The following JAKMIP3 variants were observed in gnomAD, a reference collection of about 807,000 sequenced individuals.
JAKMIP3 encodes janus kinase and microtubule-interacting protein 3.
Under a neutral mutation model 118.5 loss-of-function variants are expected in JAKMIP3, and 58 were observed. The observed-to-expected ratio is 0.49, with a 90% CI of 0.40 to 0.61. JAKMIP3 has a LOEUF of 0.61. Among genes scored for constraint, JAKMIP3 ranks in the 20% least tolerant of loss-of-function variants. The pLI, the probability that JAKMIP3 is intolerant of heterozygous loss-of-function variation, is 0.00. For missense variants in JAKMIP3, 950 were observed against 1,109.0 expected (o/e 0.86, Z 2.04); for synonymous variants, 486 against 451.2 (o/e 1.08, Z -0.98).
At chr10:132,161,885 G>T (rs1409400017) in intron 19 of JAKMIP3, among the ~76,000 whole-genome samples, 1 of 119,246 alleles carries the variant, frequency 8.4e-6, no homozygotes, top group Non-Finnish European at 2.1e-5. Context: ...CTTCCTGTGT[G>T]ATATTGGGGG....
At chr10:132,125,408 C>T (rs772541629) in intron 3 of JAKMIP3, among the ~76,000 whole-genome samples, 5 of 152,282 alleles carry the variant, frequency 3.3e-5, no homozygotes, top group East Asian at 3.8e-4. Context: ...TTCCAGGCCC[C>T]GTTACGTTCT....
Position 132,118,521 on chromosome 10 carries a change from T to A in JAKMIP3, c.633+947T>A, listed in dbSNP as rs1009304762. 6.6e-6 allele frequency among the ~76,000 whole-genome samples: 1 copy of A among 152,122 alleles called. No homozygotes were observed. Among genetic ancestry groups the A allele is most frequent in the Non-Finnish European group, 1.5e-5 (1 of 68,016 alleles). On this transcript the variant is annotated intron_variant, in intron 3 of 23. Transcript: ENST00000684848. The surrounding 1 kb of genome is among the most constrained non-coding windows in gnomAD (Gnocchi z 4.8). The stretch of plus-strand genomic sequence containing the variant: ...CTGGGGCAGCCTCCCTCTGCCTGCT[T>A]CCCGGGGCCTCCGGTCTCCAGGGAT...
chr10:132,053,058 T>C (rs986003069), intron 1 of JAKMIP3, among the ~76,000 whole-genome samples: 1 of 152,200 alleles, frequency 6.6e-6, no homozygotes, highest in Admixed American at 6.5e-5. Flanking sequence ...TATTAGGACA[T>C]GTTTGTGGGG....
chr10:132,122,181 C>A (rs1001822128), intron 3 of JAKMIP3, among the ~76,000 whole-genome samples: 15 of 152,246 alleles, frequency 9.9e-5, no homozygotes, highest in African/African-American at 2.7e-4. Context: ...CCCCAGCCCC[C>A]CTGGTCGGCT....
chr10:132,142,948 G>A (rs2053841391), intron 11 of JAKMIP3, among the ~76,000 whole-genome samples: 1 of 152,168 alleles, frequency 6.6e-6, no homozygotes, highest in Non-Finnish European at 1.5e-5. Flanking sequence ...GGCGAGGGGA[G>A]AGTGTCCACA....
At chr10:132,061,548 A>G (rs951514087), upstream of JAKMIP3, among the ~76,000 whole-genome samples, 3 of 152,238 alleles carry the variant, frequency 2.0e-5, no homozygotes, top group Non-Finnish European at 4.4e-5. Context: ...AAAAAGGCCA[A>G]ATTTGAAGAT....
At chr10:132,136,186 C>T in intron 6 of JAKMIP3, 110 bp downstream of exon 6, 2 of 1,178,738 alleles carry the variant, frequency 1.7e-6, no homozygotes, top group Non-Finnish European at 2.4e-6. Flanking sequence ...GGGCGGGTGG[C>T]CAGGCCTTCT....
intron 3 of JAKMIP3, among the ~76,000 whole-genome samples, chr10:132,119,876 T>C (rs10870261): frequency 0.24 from 36,082 of 152,136 alleles, 4,327 homozygotes; most frequent in Admixed American, 0.31. Flanking sequence ...AACAAGATGT[T>C]ACAACCAATT....
chr10:132,070,500 G>T (rs2039674143), intron 1 of JAKMIP3, among the ~76,000 whole-genome samples: 1 of 152,126 alleles, frequency 6.6e-6, no homozygotes, highest in Non-Finnish European at 1.5e-5. Flanking sequence ...GCTTTTTGAT[G>T]TCTTCAGATC....
Position 132,168,438 on chromosome 10 carries a change from GGA to G in JAKMIP3, c.*510_*511del, listed in dbSNP as rs747147210. 3.5e-4 allele frequency: 447 copies of G among 1,274,620 alleles called. 1 individual carries two copies. The highest frequency in any genetic ancestry group is 6.5e-4 in the Middle Eastern group (3 of 4,608). 79.0% of individuals were successfully genotyped at this position (1,274,620 alleles called of 1,614,324 possible). ...CGGTGACCTTCATTCAGGGGAACCT[GGA>G]GGCTCCCTGGGATGGTCCTGGGAGG... On this transcript the variant is annotated 3_prime_UTR_variant, in exon 23 of 24. Coordinates refer to ENST00000684848, the MANE Select transcript of JAKMIP3 (RefSeq NM_001323087.2).
At chr10:132,081,933 T>C (rs948538195) in intron 1 of JAKMIP3, among the ~76,000 whole-genome samples, 4 of 151,844 alleles carry the variant, frequency 2.6e-5, no homozygotes, top group African/African-American at 9.7e-5. Flanking sequence ...TTCGTGCACA[T>C]AGGGATTTTA....
chr10:132,048,936 G>A (rs1039678466), intron 1 of JAKMIP3, among the ~76,000 whole-genome samples: 18 of 152,016 alleles, frequency 1.2e-4, no homozygotes, highest in Non-Finnish European at 5.9e-5. Context: ...CACCGCGCCC[G>A]GCCTGGGCTT....
rs1329464310 is a variant in JAKMIP3, at chr10:132,180,632, T to TGC, written c.*1104-1723_*1104-1722dup. 4.1e-4 allele frequency among the ~76,000 whole-genome samples: 13 copies of TGC among 31,974 alleles called. 3 individuals are homozygous for TGC. Among genetic ancestry groups the TGC allele is most frequent in the East Asian group, 5.4e-3 (1 of 186 alleles). The allele number at this position is 31,974 out of a possible 152,430, so 21.0% of individuals were successfully genotyped here. On this transcript the variant is annotated intron_variant, in intron 23 of 23. Transcript: ENST00000684848. ...GTGTGTGTGCGTGTGTGTGCGTGTG[T>TGC]GCGTGCGTGTGTGCGTGTGCGTGTG...
At position 132,112,178 on chromosome 10, in the gene JAKMIP3, A is replaced by G. The variant is rs923508796; in HGVS notation, c.136-4899A>G. On this transcript the variant is annotated intron_variant, in intron 2 of 23. Transcript: ENST00000684848. The surrounding 1 kb of genome is among the most constrained non-coding windows in gnomAD (Gnocchi z 4.3). ...GAGGACATCAAGGACTCTGCGTGAG[A>G]CAGGACACCGTGGAGCCTCACACCA... Among the ~76,000 whole-genome samples the G allele has an allele frequency of 4.6e-5, 7 of 152,092 alleles. No individual in the cohort carries two copies. Among genetic ancestry groups the G allele is most frequent in the Non-Finnish European group, 1.0e-4 (7 of 67,994 alleles).
chr10:132,101,774 G>T (rs112385168), intron 1 of JAKMIP3, among the ~76,000 whole-genome samples: 1 of 152,110 alleles, frequency 6.6e-6, no homozygotes, highest in Admixed American at 6.5e-5. Flanking sequence ...AGGTGGGAAC[G>T]TGTTATTGGA....
chr10:132,082,298 G>A lies in JAKMIP3; in HGVS notation c.-138+16237G>A, dbSNP rs149098157. 4.9e-3 allele frequency among the ~76,000 whole-genome samples: 746 copies of A among 151,862 alleles called. 4 individuals carry two copies. The highest frequency in any genetic ancestry group is 0.017 in the African/African-American group (700 of 41,392). On this transcript the variant is annotated intron_variant, in intron 1 of 23. Transcript: ENST00000684848. ...CGGTTACATGGGTAAATTGTTTAGCGGTGATTTGTGAGATTTTGGTGCACC... is the reference window on the plus strand; with the variant it reads ...CGGTTACATGGGTAAATTGTTTAGCAGTGATTTGTGAGATTTTGGTGCACC...
rs2037844990 is a variant in JAKMIP3, at chr10:132,044,275, C to G, written c.-138+7537C>G. 1.3e-5 allele frequency among the ~76,000 whole-genome samples: 2 copies of G among 152,198 alleles called. No homozygotes were observed. The highest frequency in any genetic ancestry group is 2.1e-4 in the South Asian group (1 of 4,826). On this transcript the variant is annotated intron_variant, in intron 1 of 23. Coordinates refer to the JAKMIP3 transcript ENST00000657785. The surrounding 1 kb of genome is among the most constrained non-coding windows in gnomAD (Gnocchi z 5.3). Reference sequence around the variant, plus strand: ...GTCTCCTGGTCCAGGCATCGTGGACCTCCCTGGGGTGAGTAGTCAACACAG... The same window carrying G: ...GTCTCCTGGTCCAGGCATCGTGGACGTCCCTGGGGTGAGTAGTCAACACAG...
intron 1 of JAKMIP3, among the ~76,000 whole-genome samples, chr10:132,102,254 G>A (rs945447782): frequency 6.6e-6 from 1 of 152,170 alleles, no homozygotes; most frequent in Non-Finnish European, 1.5e-5. Flanking sequence ...GAGCTGGAAA[G>A]GGGAGACAGG....
chr10:132,133,654 C>G (rs2051111246), intron 4 of JAKMIP3, 127 bp downstream of exon 4: 1 of 834,732 alleles, frequency 1.2e-6, no homozygotes, highest in African/African-American at 1.7e-5. Context: ...ACCCTCCTGC[C>G]TGGGCACCTC....
Sources: gnomAD v4.1 joint callset for allele counts (sites outside exome capture counted in the v4.1 genomes callset) on GRCh38, gnomAD v4.1.1 for gene constraint, Gnocchi (gnomAD v3.1) non-coding constraint, MANE v1.5 for transcripts, NCBI Gene and HGNC (gene_info 2026-07-23, HGNC 2026-07-21) for gene names.